RANBP2: variants seen among roughly 807,000 people sequenced by gnomAD.
RANBP2 encodes RAN binding protein 2, also known as E3 SUMO-protein ligase RanBP2.
A neutral mutation model predicts 303.6 loss-of-function variants in RANBP2; 57 were observed. The ratio of observed to expected loss-of-function variants is 0.19; its 90% CI spans 0.15 to 0.23. The LOEUF (loss-of-function observed/expected upper bound fraction) is 0.23, where lower values mean the gene tolerates loss of function less well. RANBP2 is among the 10% of genes least tolerant of loss of function. The probability of loss-of-function intolerance (pLI) is 1.00; values close to 1 mark genes in which losing one functional copy is unlikely to be tolerated. For missense variants in RANBP2, 3,138 were observed against 3,780.8 expected (o/e 0.83, Z 4.46); for synonymous variants, 1,167 against 1,301.5 (o/e 0.90, Z 2.23).
chr2:109,647,005 G>A, the RANBP2 span, among the ~76,000 whole-genome samples: 6 of 151,916 alleles, frequency 3.9e-5, no homozygotes, highest in South Asian at 8.3e-4. Flanking sequence ...TTTTAAAATC[G>A]TGGAAGAAAT....
the RANBP2 span, chr2:108,929,518 C>T: frequency 1.1e-6 from 1 of 912,532 alleles, no homozygotes; most frequent in African/African-American, 1.6e-5. Context: ...CTGAGTTGTC[C>T]TAACTGCAAA....
At chr2:108,903,131 T>C in the RANBP2 span, among the ~76,000 whole-genome samples, 1 of 152,302 alleles carries the variant, frequency 6.6e-6, no homozygotes, top group South Asian at 2.1e-4. Context: ...TGAATTTAAA[T>C]TGTCGTTTAC....
At chr2:109,535,778 C>T in the RANBP2 span, among the ~76,000 whole-genome samples, 2 of 152,056 alleles carry the variant, frequency 1.3e-5, no homozygotes, top group Non-Finnish European at 2.9e-5. Flanking sequence ...GCAGCAGGAG[C>T]CTGAGTACAC....
the RANBP2 span, among the ~76,000 whole-genome samples, chr2:109,176,479 C>G: frequency 6.6e-6 from 1 of 152,128 alleles, no homozygotes; most frequent in Non-Finnish European, 1.5e-5. Context: ...TGCCTCTAAT[C>G]CTAACACTTT....
the RANBP2 span, among the ~76,000 whole-genome samples, chr2:109,718,626 T>C: frequency 1.3e-5 from 2 of 152,166 alleles, no homozygotes; most frequent in African/African-American, 4.8e-5. Flanking sequence ...TTTGAAGTGG[T>C]GAAACCATTC....
chr2:109,493,781 C>G, the RANBP2 span, among the ~76,000 whole-genome samples: 1 of 152,104 alleles, frequency 6.6e-6, no homozygotes, highest in Admixed American at 6.6e-5. Flanking sequence ...TGCACACACA[C>G]CAGGCAAACA....
chr2:109,717,348 G>A, the RANBP2 span, among the ~76,000 whole-genome samples: 4 of 149,984 alleles, frequency 2.7e-5, no homozygotes, highest in Non-Finnish European at 5.9e-5. Flanking sequence ...TTGGGAGGCC[G>A]AGGCGGGTGG....
At chr2:109,597,856 A>G in the RANBP2 span, among the ~76,000 whole-genome samples, 1 of 152,176 alleles carries the variant, frequency 6.6e-6, no homozygotes, top group Non-Finnish European at 1.5e-5. Flanking sequence ...CAGACACACA[A>G]TTCATCCTAG....
At chr2:108,776,315 ATAT>A (rs1239393438) in intron 24 of RANBP2, among the ~76,000 whole-genome samples, 2 of 152,170 alleles carry the variant, frequency 1.3e-5, no homozygotes, top group African/African-American at 4.8e-5. Context: ...AATTGTAGAA[ATAT>A]TACGGATTTA....
chr2:108,723,256 T>C lies in RANBP2; in HGVS notation c.72+3578T>C, dbSNP rs1694421347. ...TATACTTTTGTTATTTTTAATTTCC[T>C]TTCTCCCATTTTAGACATTTTCTTT... On this transcript the variant is annotated intron_variant, in intron 1 of 28. Transcript: ENST00000283195. 3.3e-5 allele frequency among the ~76,000 whole-genome samples: 5 copies of C among 152,106 alleles called. No individual in the cohort carries two copies. In the South Asian group the frequency reaches 1.0e-3, roughly 32 times the overall value.
At chr2:109,315,639 A>T in the RANBP2 span, among the ~76,000 whole-genome samples, 1 of 152,228 alleles carries the variant, frequency 6.6e-6, no homozygotes, top group Non-Finnish European at 1.5e-5. Context: ...CAGAGAAGAG[A>T]CGCCTGTGCA....
At chr2:108,867,494 T>A in the RANBP2 span, among the ~76,000 whole-genome samples, 2 of 152,204 alleles carry the variant, frequency 1.3e-5, no homozygotes. Flanking sequence ...TGGATTACCC[T>A]GCTCCAAGAG....
the RANBP2 span, among the ~76,000 whole-genome samples, chr2:109,698,566 G>C: frequency 7.2e-5 from 11 of 152,060 alleles, no homozygotes; most frequent in African/African-American, 2.6e-4. Context: ...AATATTTAGA[G>C]TTACCCATTT....
the RANBP2 span, among the ~76,000 whole-genome samples, chr2:109,372,667 G>T: frequency 6.6e-6 from 1 of 152,194 alleles, no homozygotes; most frequent in Non-Finnish European, 1.5e-5. Context: ...TTCAGCGCGG[G>T]CCTCTTGGCC....
At chr2:108,946,346 C>T in the RANBP2 span, among the ~76,000 whole-genome samples, 1 of 152,192 alleles carries the variant, frequency 6.6e-6, no homozygotes, top group Admixed American at 6.5e-5. Context: ...CAGCATTGCC[C>T]TGTGCCTGCA....
the RANBP2 span, among the ~76,000 whole-genome samples, chr2:109,478,828 T>C: frequency 6.6e-6 from 1 of 152,316 alleles, no homozygotes; most frequent in East Asian, 1.9e-4. Flanking sequence ...CCAGTTACTT[T>C]TGCTGCATAA....
At chr2:108,933,528 T>A in the RANBP2 span, among the ~76,000 whole-genome samples, 1 of 152,142 alleles carries the variant, frequency 6.6e-6, no homozygotes, top group East Asian at 1.9e-4. Context: ...CTTGGAGGTG[T>A]CTCACTTGGT....
chr2:109,605,110 G>A, the RANBP2 span, among the ~76,000 whole-genome samples: 1,967 of 152,294 alleles, frequency 0.013, 18 homozygotes, highest in Admixed American at 0.023. Context: ...TTCTCTTGAA[G>A]TTTCCATTGA....
chr2:109,176,113 C>T, the RANBP2 span, among the ~76,000 whole-genome samples: 1 of 152,156 alleles, frequency 6.6e-6, no homozygotes, highest in African/African-American at 2.4e-5. Flanking sequence ...ACCTGCATTT[C>T]CTGGGTGTCT....
Sources: allele counts gnomAD v4.1 joint callset (sites outside exome capture counted in the v4.1 genomes callset), GRCh38; gene constraint gnomAD v4.1.1; transcripts MANE v1.5; gene names NCBI Gene and HGNC (gene_info 2026-07-23, HGNC 2026-07-21).